Variants in MACROD2 observed in about 807,000 individuals in gnomAD.
MACROD2 encodes the protein ADP-ribose glycohydrolase MACROD2.
A neutral mutation model predicts 70.4 loss-of-function variants in MACROD2; 36 were observed. The observed-to-expected ratio is 0.51, with a 90% CI of 0.39 to 0.68. MACROD2 has a LOEUF of 0.68. MACROD2 is among the 30% of genes least tolerant of loss of function. MACROD2 has a pLI of 0.00. For missense variants in MACROD2, 496 were observed against 538.4 expected, an observed-to-expected ratio of 0.92 and a Z score of 0.78; for synonymous variants, 172 against 178.8, an observed-to-expected ratio of 0.96 and a Z score of 0.30.
chr20:15,887,220 T>G (rs895184752), intron 10 of MACROD2, among the ~76,000 whole-genome samples: 1 of 152,118 alleles, frequency 6.6e-6, no homozygotes, highest in South Asian at 2.1e-4. Context: ...CTGCCCACTA[T>G]CTTCAAGGGG....
intron 8 of MACROD2, among the ~76,000 whole-genome samples, chr20:15,807,684 T>C (rs1282228036): frequency 6.6e-6 from 1 of 152,198 alleles, no homozygotes; most frequent in Non-Finnish European, 1.5e-5. Flanking sequence ...TATATTGAGT[T>C]AAATAAATAT....
chr20:15,369,668 G>A (rs1371078199), intron 6 of MACROD2, among the ~76,000 whole-genome samples: 1 of 152,124 alleles, frequency 6.6e-6, no homozygotes, highest in Non-Finnish European at 1.5e-5. Flanking sequence ...TGTCTAACGT[G>A]GAAAGTGCTC....
chr20:14,052,960 A>C (rs2053587292), intron 2 of MACROD2: 1 of 152,090 alleles, frequency 6.6e-6, no homozygotes, highest in Non-Finnish European at 1.5e-5. Flanking sequence ...AAAATTGGTC[A>C]AGGTAAAGTA....
intron 12 of MACROD2, among the ~76,000 whole-genome samples, chr20:15,963,227 C>T (rs185945598): frequency 2.0e-3 from 295 of 149,272 alleles, no homozygotes; most frequent in Non-Finnish European, 2.0e-3. Flanking sequence ...TAGACATTTA[C>T]GCATTACAGA....
chr20:14,042,036 C>G (rs1157723639), intron 2 of MACROD2, among the ~76,000 whole-genome samples: 1 of 152,058 alleles, frequency 6.6e-6, no homozygotes, highest in Non-Finnish European at 1.5e-5. Context: ...AAAGAAAGGA[C>G]TGGTACTGAA....
rs538661221 is a variant in MACROD2, at chr20:15,984,201, C to G, written c.986-2526C>G. Among the ~76,000 whole-genome samples, 10 of 152,156 alleles carry G rather than the reference C, an allele frequency of 6.6e-5. No individual in the cohort carries two copies. The East Asian group carries it at 1.9e-3, about 29-fold the overall frequency. On this transcript the variant is annotated intron_variant, in intron 13 of 17. Coordinates refer to ENST00000684519, the MANE Select transcript of MACROD2 (RefSeq NM_001351661.2). Reference sequence around the variant, plus strand: ...TGCATTTTTACTTTAATGTCCAGTTCACAGAAAAACTGGGTGATATCTTTT... The same window carrying G: ...TGCATTTTTACTTTAATGTCCAGTTGACAGAAAAACTGGGTGATATCTTTT...
chr20:15,352,597 A>G (rs538825534), intron 6 of MACROD2, among the ~76,000 whole-genome samples: 172 of 152,318 alleles, frequency 1.1e-3, no homozygotes, highest in Non-Finnish European at 2.2e-3. Flanking sequence ...TAAATAATAC[A>G]TTGCATTGAA....
chr20:15,426,609 A>AT (rs1037198436), intron 6 of MACROD2, among the ~76,000 whole-genome samples: 7 of 150,166 alleles, frequency 4.7e-5, no homozygotes, highest in African/African-American at 9.8e-5. Flanking sequence ...GCCTCAAATG[A>AT]TTTTTTTTTG....
chr20:15,673,023 C>T (rs955186228), intron 8 of MACROD2, among the ~76,000 whole-genome samples: 1 of 152,140 alleles, frequency 6.6e-6, no homozygotes, highest in African/African-American at 2.4e-5. Flanking sequence ...ATTGTGAGGC[C>T]TCCCCAGCCA....
chr20:14,059,088 A>G lies in MACROD2; in HGVS notation c.164-26533A>G, dbSNP rs567719101. On this transcript the variant is annotated intron_variant, in intron 2 of 17. Coordinates refer to ENST00000684519, the MANE Select transcript of MACROD2 (RefSeq NM_001351661.2). ...TGAAAACTATTTCTATGTTTTTCAA[A>G]TATTTGAGCCTATATTTTTTGAATT... Among the ~76,000 whole-genome samples, 3 of 152,222 alleles carry G rather than the reference A, an allele frequency of 2.0e-5. No individual in the cohort carries two copies. In the South Asian group the frequency reaches 6.2e-4, roughly 32 times the overall value.
intron 10 of MACROD2, among the ~76,000 whole-genome samples, chr20:15,926,577 G>C (rs1019489748): frequency 1.3e-5 from 2 of 152,206 alleles, no homozygotes; most frequent in Admixed American, 1.3e-4. Flanking sequence ...GAAGGATGGA[G>C]TGTGTGAGGG....
At chr20:15,230,423 T>TAA (rs1396775408) in intron 6 of MACROD2, among the ~76,000 whole-genome samples, 1 of 152,182 alleles carries the variant, frequency 6.6e-6, no homozygotes, top group East Asian at 1.9e-4. Flanking sequence ...AGCGCACATT[T>TAA]AATATATATT....
chr20:14,087,853 T>C (rs3121497), intron 3 of MACROD2, among the ~76,000 whole-genome samples: 40,949 of 151,914 alleles, frequency 0.27, 5,670 homozygotes, highest in African/African-American at 0.31. Context: ...TTTAAAAGAT[T>C]ATATGTGTGT....
chr20:14,885,017 C>T (rs1196057916), intron 5 of MACROD2, among the ~76,000 whole-genome samples: 1 of 152,158 alleles, frequency 6.6e-6, no homozygotes, highest in Non-Finnish European at 1.5e-5. Context: ...GGACATGGAA[C>T]ATACATCTTA....
At chr20:15,666,983 T>C (rs1239730112) in intron 8 of MACROD2, among the ~76,000 whole-genome samples, 3 of 152,204 alleles carry the variant, frequency 2.0e-5, no homozygotes, top group Non-Finnish European at 2.9e-5. Flanking sequence ...AAATTTGCTG[T>C]ATTTTTGTTT....
At chr20:14,073,772 A>C (rs1451469663) in intron 2 of MACROD2, among the ~76,000 whole-genome samples, 3 of 152,244 alleles carry the variant, frequency 2.0e-5, no homozygotes, top group African/African-American at 4.8e-5. Flanking sequence ...TTATAAAACC[A>C]GTGCAAACTT....
intron 6 of MACROD2, among the ~76,000 whole-genome samples, chr20:15,337,350 A>G (rs2078059935): frequency 6.6e-6 from 1 of 151,746 alleles, no homozygotes; most frequent in African/African-American, 2.4e-5. Flanking sequence ...GGCCTGATCT[A>G]GGAAAGACTT....
intron 6 of MACROD2, among the ~76,000 whole-genome samples, chr20:15,233,634 G>GT (rs1168961665): frequency 6.6e-6 from 1 of 151,860 alleles, no homozygotes; most frequent in African/African-American, 2.4e-5. Context: ...TGTAACAGCT[G>GT]TTTTTTCATA....
At position 14,668,888 on chromosome 20, in the gene MACROD2, TG is replaced by T. The variant is rs778597677; in HGVS notation, c.302-15954del. Among the ~76,000 whole-genome samples the T allele has an allele frequency of 1.0e-3, 156 of 152,290 alleles. 1 individual carries two copies. Among genetic ancestry groups the T allele is most frequent in the Admixed American group, 4.5e-3 (68 of 15,276 alleles). On this transcript the variant is annotated intron_variant, in intron 4 of 17. Transcript: ENST00000684519. ...AAAATTTCATCAACATTATGAACTA[TG>T]AGCCCTATTGAATAATTTTTTCCTG...
Sources: allele counts gnomAD v4.1 joint callset (sites outside exome capture counted in the v4.1 genomes callset), GRCh38; gene constraint gnomAD v4.1.1; transcripts MANE v1.5; gene names NCBI Gene and HGNC (gene_info 2026-07-23, HGNC 2026-07-21).